CCSER1: variants seen among roughly 807,000 people sequenced by gnomAD.
The protein encoded by CCSER1 is coiled-coil serine rich protein 1, also known as serine-rich coiled-coil domain-containing protein 1.
Under a neutral mutation model 82.0 loss-of-function variants are expected in CCSER1, and 41 were observed. That is an observed-to-expected ratio of 0.50 (90% CI 0.39 to 0.65). The LOEUF (loss-of-function observed/expected upper bound fraction) is 0.65. CCSER1 is among the 30% of genes least tolerant of loss of function. The probability of loss-of-function intolerance (pLI) is 0.00; values close to 1 mark genes in which losing one functional copy is unlikely to be tolerated. For missense variants in CCSER1, 1,119 were observed against 1,064.2 expected (o/e 1.05, Z -0.72); for synonymous variants, 414 against 383.9 (o/e 1.08, Z -0.92).
chr4:90,149,721 G>A (rs1337456172), intron 1 of CCSER1, among the ~76,000 whole-genome samples: 1 of 152,014 alleles, frequency 6.6e-6, no homozygotes, highest in Admixed American at 6.6e-5. Context: ...AAACAGACTT[G>A]TTCTTAGCTG....
At chr4:90,312,433 T>C (rs1409655909) in intron 2 of CCSER1, among the ~76,000 whole-genome samples, 1 of 152,190 alleles carries the variant, frequency 6.6e-6, no homozygotes, top group East Asian at 1.9e-4. Context: ...ACTTATGTTT[T>C]AAGTATATGA....
At chr4:90,467,574 T>G (rs760075997) in intron 4 of CCSER1, among the ~76,000 whole-genome samples, 1 of 151,802 alleles carries the variant, frequency 6.6e-6, no homozygotes, top group Non-Finnish European at 1.5e-5. Flanking sequence ...TCCTAGCTAC[T>G]CGGGAGGCTG....
At chr4:91,092,658 G>A (rs1049470661) in intron 10 of CCSER1, among the ~76,000 whole-genome samples, 1 of 152,196 alleles carries the variant, frequency 6.6e-6, no homozygotes, top group Admixed American at 6.5e-5. Context: ...CAGCATGACT[G>A]CAGCTCCTAG....
intron 1 of CCSER1, among the ~76,000 whole-genome samples, chr4:90,244,104 C>T (rs919815691): frequency 5.3e-5 from 8 of 151,994 alleles, no homozygotes; most frequent in Non-Finnish European, 1.0e-4. Context: ...AATTAGAAAA[C>T]GAGTTTCTTA....
At chr4:91,589,490 AT>A (rs771398129) in intron 10 of CCSER1, among the ~76,000 whole-genome samples, 2 of 151,822 alleles carry the variant, frequency 1.3e-5, no homozygotes, top group African/African-American at 2.4e-5. Context: ...TTTTAAGATT[AT>A]TAAATACTAT....
intron 10 of CCSER1, among the ~76,000 whole-genome samples, chr4:91,182,646 G>T (rs1464355905): frequency 6.6e-6 from 1 of 152,134 alleles, no homozygotes; most frequent in African/African-American, 2.4e-5. Flanking sequence ...GGCTATTATA[G>T]CCTGGGGCAT....
At chr4:90,361,658 T>A (rs1259320581) in intron 3 of CCSER1, among the ~76,000 whole-genome samples, 1 of 152,216 alleles carries the variant, frequency 6.6e-6, no homozygotes, top group African/African-American at 2.4e-5. Flanking sequence ...CTCCTTTGCC[T>A]CTCGTCTAGC....
At chr4:91,398,415 A>G (rs771556295) in intron 10 of CCSER1, among the ~76,000 whole-genome samples, 33 of 151,932 alleles carry the variant, frequency 2.2e-4, no homozygotes, top group African/African-American at 2.4e-5. Flanking sequence ...TTGTTTAAAT[A>G]TTATATTTAA....
At chr4:90,788,706 T>G (rs1338587951) in intron 7 of CCSER1, among the ~76,000 whole-genome samples, 1 of 152,196 alleles carries the variant, frequency 6.6e-6, no homozygotes. Context: ...GAGTTGGGAC[T>G]TCAACATAGG....
At chr4:91,312,508 C>G (rs1448053612) in intron 10 of CCSER1, among the ~76,000 whole-genome samples, 1 of 151,726 alleles carries the variant, frequency 6.6e-6, no homozygotes, top group Non-Finnish European at 1.5e-5. Context: ...ATGAAACATA[C>G]CAACCAGTGG....
chr4:90,233,477 G>T lies in CCSER1; in HGVS notation c.-41-74767G>T, dbSNP rs932866106. 6.6e-5 allele frequency among the ~76,000 whole-genome samples: 10 copies of T among 152,142 alleles called. 1 individual carries two copies. Among genetic ancestry groups the T allele is most frequent in the South Asian group, 4.2e-4 (2 of 4,816 alleles). ...ATCACACTCTGGGGACTGTTGTGGG[G>T]TGGGGAAAGTGGGGAGGGATAGCAT... On this transcript the variant is annotated intron_variant, in intron 1 of 10. Transcript: ENST00000509176.
At chr4:90,250,232 G>A (rs1578751100) in intron 1 of CCSER1, among the ~76,000 whole-genome samples, 1 of 151,986 alleles carries the variant, frequency 6.6e-6, no homozygotes, top group African/African-American at 2.4e-5. Flanking sequence ...TAATTTTGAT[G>A]AAGTCTAATT....
At chr4:90,894,428 A>G (rs925067687) in intron 8 of CCSER1, among the ~76,000 whole-genome samples, 1 of 152,066 alleles carries the variant, frequency 6.6e-6, no homozygotes, top group African/African-American at 2.4e-5. Flanking sequence ...CTGTGTTGAA[A>G]ATGCCGAGGC....
At chr4:91,301,319 T>G (rs978647426) in intron 10 of CCSER1, among the ~76,000 whole-genome samples, 2 of 151,796 alleles carry the variant, frequency 1.3e-5, no homozygotes, top group Non-Finnish European at 2.9e-5. Flanking sequence ...TCTGAATTTA[T>G]AATCATAACT....
intron 10 of CCSER1, among the ~76,000 whole-genome samples, chr4:91,470,596 G>A (rs564855092): frequency 3.9e-5 from 6 of 152,184 alleles, no homozygotes; most frequent in African/African-American, 1.4e-4. Context: ...ACACCACCTA[G>A]CCAGCATATA....
At chr4:91,382,931 A>T (rs1242163421) in intron 10 of CCSER1, among the ~76,000 whole-genome samples, 1 of 152,062 alleles carries the variant, frequency 6.6e-6, no homozygotes, top group Non-Finnish European at 1.5e-5. Flanking sequence ...AGCATCCATC[A>T]ATATCGAGGC....
chr4:90,332,356 C>T (rs1403172287), intron 3 of CCSER1, among the ~76,000 whole-genome samples: 1 of 151,928 alleles, frequency 6.6e-6, no homozygotes, highest in Non-Finnish European at 1.5e-5. Context: ...CCTGCCTCAG[C>T]CTCCCACGTA....
intron 10 of CCSER1, among the ~76,000 whole-genome samples, chr4:91,419,881 C>T (rs974682597): frequency 2.0e-5 from 3 of 151,862 alleles, no homozygotes; most frequent in Non-Finnish European, 4.4e-5. Context: ...GAATAGTGAG[C>T]CTGTAAGTAA....
At chr4:90,630,257 GTTATA>G (rs1237626806) in intron 6 of CCSER1, among the ~76,000 whole-genome samples, 2 of 152,124 alleles carry the variant, frequency 1.3e-5, no homozygotes, top group Non-Finnish European at 2.9e-5. Flanking sequence ...AGTAACAGCT[GTTATA>G]TTAGAAGATA....
Sources: allele counts gnomAD v4.1 joint callset (sites outside exome capture counted in the v4.1 genomes callset), GRCh38; gene constraint gnomAD v4.1.1; transcripts MANE v1.5; gene names NCBI Gene and HGNC (gene_info 2026-07-23, HGNC 2026-07-21).